CIDEA: variants seen among roughly 807,000 people sequenced by gnomAD.
CIDEA encodes the protein cell death inducing DFFA like effector a, also known as lipid transferase CIDEA.
CIDEA carries 10 observed loss-of-function variants against 18.2 expected under a neutral mutation model. That is an observed-to-expected ratio of 0.55 (90% CI 0.34 to 0.93). CIDEA has a LOEUF of 0.93. Among genes scored for constraint, CIDEA ranks in the 40% least tolerant of loss-of-function variants. The pLI, the probability that CIDEA is intolerant of heterozygous loss-of-function variation, is 0.02. For missense variants in CIDEA, 309 were observed against 293.1 expected (o/e 1.05, Z -0.40); for synonymous variants, 128 against 124.8 (o/e 1.03, Z -0.17).
At chr18:12,273,772 A>G (rs1314453895) in intron 3 of CIDEA, among the ~76,000 whole-genome samples, 1 of 152,194 alleles carries the variant, frequency 6.6e-6, no homozygotes, top group Non-Finnish European at 1.5e-5. Context: ...CTCCAGGGCG[A>G]GTGGGTCCCC....
chr18:12,254,741 T>C, intron 1 of CIDEA: 4 of 1,441,322 alleles, frequency 2.8e-6, no homozygotes, highest in Non-Finnish European at 3.7e-6. Context: ...AGTGGCTGCA[T>C]GCATCTCTGG....
intron 3 of CIDEA, among the ~76,000 whole-genome samples, chr18:12,268,229 CATTTTT>C (rs1205052648): frequency 1.1e-4 from 8 of 73,006 alleles, no homozygotes; most frequent in South Asian, 1.1e-3. Flanking sequence ...CATGCCCGGC[CATTTTT>C]TTTTTTTTTT....
intron 3 of CIDEA, among the ~76,000 whole-genome samples, chr18:12,273,237 T>G (rs1372007338): frequency 4.6e-5 from 7 of 152,216 alleles, no homozygotes; most frequent in African/African-American, 1.4e-4. Context: ...TCACTGTCAT[T>G]GGTGAATTTA....
intron 3 of CIDEA, among the ~76,000 whole-genome samples, chr18:12,271,982 C>T (rs967866806): frequency 6.6e-6 from 1 of 152,026 alleles, no homozygotes; most frequent in African/African-American, 2.4e-5. Context: ...TTTCAAAAGT[C>T]AGAAAGGGAT....
chr18:12,264,149 AG>A (rs1912275014), intron 2 of CIDEA, among the ~76,000 whole-genome samples, 157 bp from the exon 3 acceptor site: 1 of 152,220 alleles, frequency 6.6e-6, no homozygotes, highest in African/African-American at 2.4e-5. Context: ...TTCCAAGCAA[AG>A]ACTGAGTCAT....
At position 12,277,541 on chromosome 18, in the gene CIDEA, G is replaced by A. The variant is rs1905389123; in HGVS notation, c.*271G>A. On this transcript the variant is annotated 3_prime_UTR_variant, in exon 5 of 5. Coordinates refer to ENST00000320477, the MANE Select transcript of CIDEA (RefSeq NM_001279.4). ...TGCCCAGGAGCGTGTGCATGTGTCA[G>A]AGCCATTTGGTCCATCATCTCCTGC... 5.0e-6 allele frequency: 2 copies of A among 397,690 alleles called. No homozygotes were observed. The highest frequency in any genetic ancestry group is 9.2e-6 in the Non-Finnish European group (2 of 218,206). 24.6% of individuals were successfully genotyped at this position (397,690 alleles called of 1,614,324 possible).
chr18:12,264,807 C>T (rs564927843), intron 3 of CIDEA, among the ~76,000 whole-genome samples: 2 of 152,328 alleles, frequency 1.3e-5, no homozygotes, highest in Non-Finnish European at 2.9e-5. Flanking sequence ...CCCGCCTCTG[C>T]CTCCCAAAGT....
intron 3 of CIDEA, among the ~76,000 whole-genome samples, chr18:12,267,842 G>A (rs1200247645): frequency 1.3e-5 from 2 of 151,994 alleles, no homozygotes; most frequent in Admixed American, 6.6e-5. Context: ...GTTCTGAGCT[G>A]CAGAGACTTT....
At chr18:12,274,341 C>G in intron 4 of CIDEA, 67 bp downstream of exon 4, 1 of 1,496,332 alleles carries the variant, frequency 6.7e-7, no homozygotes, top group South Asian at 1.2e-5. Flanking sequence ...AGGCAGCAGT[C>G]CCCACCCTGT....
rs193104021 is a variant in CIDEA at position 12,270,324 on chromosome 18, C to T, written c.331-3769C>T. 1.5e-3 allele frequency among the ~76,000 whole-genome samples: 231 copies of T among 151,792 alleles called. 1 individual carries two copies. The highest frequency in any genetic ancestry group is 5.4e-3 in the African/African-American group (222 of 41,420). On this transcript the variant is annotated intron_variant, in intron 3 of 4. Transcript: ENST00000320477. Reference sequence around the variant, plus strand: ...CATATATATTATATATATAACCTCACAATTTTCCTGACTGGGAAAGAAACC... The same window carrying T: ...CATATATATTATATATATAACCTCATAATTTTCCTGACTGGGAAAGAAACC...
chr18:12,274,609 G>A (rs1040048732), intron 4 of CIDEA, among the ~76,000 whole-genome samples: 2 of 152,206 alleles, frequency 1.3e-5, no homozygotes, highest in African/African-American at 2.4e-5. Context: ...CATGGAGGTC[G>A]TGGCCGGGTT....
rs68102741 is a variant in CIDEA, at chr18:12,270,688, C to CAAAAAAAAAAAAAAAAAAAA, written c.331-3396_331-3377dup. On this transcript the variant is annotated intron_variant, in intron 3 of 4. Coordinates refer to ENST00000320477, the MANE Select transcript of CIDEA (RefSeq NM_001279.4). ...GGCGACAGAGCAAGACTCCGTCTCA[C>CAAAAAAAAAAAAAAAAAAAA]AAAAAAAAAAAAAAAAAAAAAAAAA... 3.2e-4 allele frequency among the ~76,000 whole-genome samples: 23 copies of CAAAAAAAAAAAAAAAAAAAA among 72,806 alleles called. 4 individuals are homozygous for CAAAAAAAAAAAAAAAAAAAA. Among genetic ancestry groups the CAAAAAAAAAAAAAAAAAAAA allele is most frequent in the African/African-American group, 1.8e-3 (21 of 11,930 alleles). 47.8% of individuals were successfully genotyped at this position (72,806 alleles called of 152,430 possible).
At chr18:12,272,714 C>A (rs2144085647) in intron 3 of CIDEA, among the ~76,000 whole-genome samples, 1 of 152,110 alleles carries the variant, frequency 6.6e-6, no homozygotes, top group East Asian at 1.9e-4. Flanking sequence ...TGAAGTCAAC[C>A]TCACCCGAGA....
chr18:12,254,540 C>T (rs60132277), intron 1 of CIDEA, 119 bp downstream of exon 1: 4 of 1,534,100 alleles, frequency 2.6e-6, no homozygotes, highest in East Asian at 2.4e-5. Flanking sequence ...CCCTGCTCCC[C>T]GCATTCTCTT....
chr18:12,262,843 A>T lies in CIDEA; in HGVS notation c.57A>T (p.Gly19=). The T allele has an allele frequency of 6.2e-7, 1 of 1,613,992 alleles. No homozygotes were observed. The highest frequency in any genetic ancestry group is 2.2e-5 in the East Asian group (1 of 44,878). Reference sequence around the variant, plus strand: ...TTTTCAGGCCCCTGACATTTATGGGATCACAGACTAAGCGAGTCCTGTTCA... The same window carrying T: ...TTTTCAGGCCCCTGACATTTATGGGTTCACAGACTAAGCGAGTCCTGTTCA... ...GALIRPLTFM[G]SQTKRVLFTP... The change falls in exon 2 of 5, where the codon GGA becomes GGT. Residue 19 remains glycine, a synonymous_variant. Transcript: ENST00000320477.
intron 1 of CIDEA, among the ~76,000 whole-genome samples, chr18:12,257,492 C>A (rs1445184581): frequency 6.6e-6 from 1 of 152,178 alleles, no homozygotes; most frequent in Non-Finnish European, 1.5e-5. Context: ...GAGAAGAGTT[C>A]AGGTCTACTG....
chr18:12,275,441 C>G (rs747395009), intron 4 of CIDEA, among the ~76,000 whole-genome samples: 2 of 152,230 alleles, frequency 1.3e-5, no homozygotes, highest in African/African-American at 4.8e-5. Context: ...TACTTCTACT[C>G]CAGTAAATTT....
At position 12,270,688 on chromosome 18, in the gene CIDEA, CAAAAAAAAAAAA is replaced by C. The variant is rs68102741; in HGVS notation, c.331-3388_331-3377del. Among the ~76,000 whole-genome samples the C allele has an allele frequency of 1.1e-3, 77 of 72,806 alleles. 2 individuals are homozygous for C. The highest frequency in any genetic ancestry group is 5.1e-3 in the African/African-American group (61 of 11,932). 47.8% of individuals were successfully genotyped at this position (72,806 alleles called of 152,430 possible). On this transcript the variant is annotated intron_variant, in intron 3 of 4. Transcript: ENST00000320477. Reference sequence around the variant, plus strand: ...GGCGACAGAGCAAGACTCCGTCTCACAAAAAAAAAAAAAAAAAAAAAAAAAAAAGCAGGTGGG... The same window carrying C: ...GGCGACAGAGCAAGACTCCGTCTCACAAAAAAAAAAAAAAAAGCAGGTGGG...
chr18:12,260,586 G>A (rs1014017657), intron 1 of CIDEA, among the ~76,000 whole-genome samples: 5 of 152,188 alleles, frequency 3.3e-5, no homozygotes, highest in Non-Finnish European at 7.3e-5. Context: ...TATCTAAAAT[G>A]TATGTGCCTA....
Sources: gnomAD v4.1 joint callset for allele counts (sites outside exome capture counted in the v4.1 genomes callset) on GRCh38, gnomAD v4.1.1 for gene constraint, MANE v1.5 for transcripts, NCBI Gene and HGNC (gene_info 2026-07-23, HGNC 2026-07-21) for gene names.